KLF7: variants seen among roughly 807,000 people sequenced by gnomAD.
KLF7 encodes Krueppel-like factor 7.
In KLF7, 2 loss-of-function variants were observed where a neutral mutation model predicts 27.3. The ratio of observed to expected loss-of-function variants is 0.07; its 90% CI spans 0.03 to 0.23. The LOEUF (loss-of-function observed/expected upper bound fraction) is 0.23, where lower values mean the gene tolerates loss of function less well. Ranked by LOEUF, KLF7 falls within the 10% of genes least tolerant of loss-of-function variation. KLF7 has a pLI of 1.00. For missense variants in KLF7, 221 were observed against 394.1 expected (o/e 0.56, Z 3.72); for synonymous variants, 165 against 162.4 (o/e 1.02, Z -0.12).
chr2:207,135,689 T>C (rs1285425670), intron 1 of KLF7, among the ~76,000 whole-genome samples: 1 of 152,228 alleles, frequency 6.6e-6, no homozygotes, highest in Admixed American at 6.5e-5. Flanking sequence ...CCAGAAATTC[T>C]TCCTTCTTCA....
upstream of KLF7, chr2:207,166,821 A>T: frequency 9.9e-7 from 1 of 1,014,708 alleles, no homozygotes; most frequent in Non-Finnish European, 1.2e-6. Context: ...GCCAGGGTGC[A>T]GAGAAGAAGC....
chr2:207,112,610 C>T (rs953282985), intron 2 of KLF7, among the ~76,000 whole-genome samples: 14 of 152,182 alleles, frequency 9.2e-5, no homozygotes, highest in African/African-American at 3.1e-4. Flanking sequence ...AGCTCCTTCC[C>T]AGGGGAATAA....
chr2:207,136,121 C>G (rs1356652019), intron 1 of KLF7, among the ~76,000 whole-genome samples: 4 of 152,152 alleles, frequency 2.6e-5, no homozygotes, highest in African/African-American at 9.7e-5. Flanking sequence ...CTTTCCCACA[C>G]CACCCCTTCC....
intron 2 of KLF7, among the ~76,000 whole-genome samples, chr2:207,105,050 A>T (rs545155460): frequency 2.1e-4 from 32 of 152,062 alleles, no homozygotes; most frequent in Admixed American, 1.4e-3. Context: ...GGGTAGAAAA[A>T]TTTTTTTTCA....
chr2:207,129,120 G>A (rs1406124752), intron 1 of KLF7, among the ~76,000 whole-genome samples: 1 of 152,184 alleles, frequency 6.6e-6, no homozygotes, highest in Non-Finnish European at 1.5e-5. Context: ...TCAAAAAACA[G>A]GGAGAGACGA....
At chr2:207,154,678 A>T (rs1295474171) in intron 1 of KLF7, among the ~76,000 whole-genome samples, 1 of 152,176 alleles carries the variant, frequency 6.6e-6, no homozygotes, top group African/African-American at 2.4e-5. Context: ...TTGAGAGGAA[A>T]ATGGGGAAGG....
intron 2 of KLF7, among the ~76,000 whole-genome samples, chr2:207,098,695 C>A (rs2076687332): frequency 6.6e-6 from 1 of 151,200 alleles, no homozygotes; most frequent in Admixed American, 6.6e-5. Context: ...GGTGCAATCA[C>A]AACTCACTGC....
chr2:207,086,622 C>T (rs34546946), intron 3 of KLF7, among the ~76,000 whole-genome samples: 11,255 of 152,272 alleles, frequency 0.074, 521 homozygotes, highest in Middle Eastern at 0.13. Flanking sequence ...AATAACCAAT[C>T]GGTTTGGAAC....
chr2:207,141,182 A>G (rs2077932331), intron 1 of KLF7, among the ~76,000 whole-genome samples: 1 of 152,132 alleles, frequency 6.6e-6, no homozygotes, highest in African/African-American at 2.4e-5. Flanking sequence ...TTGCTTAGGG[A>G]ACCAGGGTAT....
rs1468964222 is a variant in KLF7 at position 207,076,120 on chromosome 2, AAGGTACGAC to A, written c.*5084_*5092del. On this transcript the variant is annotated 3_prime_UTR_variant, in exon 4 of 4. Coordinates refer to ENST00000309446, the MANE Select transcript of KLF7 (RefSeq NM_003709.4). ...GTCAGTAGCCTGTTTTCCTTCCGTG[AAGGTACGAC>A]AGGTACATATGCGCATGTCTAGGTG... is the stretch of plus-strand genomic sequence containing the variant. 6 of 152,044 alleles carry A rather than the reference AAGGTACGAC, an allele frequency of 3.9e-5. No individual in the cohort carries two copies. The highest frequency in any genetic ancestry group is 7.4e-5 in the Non-Finnish European group (5 of 68,018). The allele number at this position is 152,044 out of a possible 1,614,324, so 9.4% of individuals were successfully genotyped here.
chr2:207,107,566 A>G (rs900513221), intron 2 of KLF7, among the ~76,000 whole-genome samples: 52 of 152,336 alleles, frequency 3.4e-4, no homozygotes, highest in Admixed American at 2.9e-3. Flanking sequence ...TTTATATTTT[A>G]TAACTGCTGT....
Position 207,141,689 on chromosome 2 carries a change from T to TA in KLF7, c.103-17286dup, listed in dbSNP as rs1237800284. Among the ~76,000 whole-genome samples the TA allele has an allele frequency of 7.9e-5, 12 of 152,100 alleles. 1 individual carries two copies. The highest frequency in any genetic ancestry group is 1.6e-4 in the Non-Finnish European group (11 of 67,974). ...ATGTTGGCAATGAGTATTAAAAAGT[T>TA]AGAGTGCGTGAGACAAGCAAAGGGC... On this transcript the variant is annotated intron_variant, in intron 1 of 3. Coordinates refer to ENST00000309446, the MANE Select transcript of KLF7 (RefSeq NM_003709.4).
At chr2:207,098,101 ATATT>A (rs71412408) in intron 2 of KLF7, among the ~76,000 whole-genome samples, 11,353 of 152,208 alleles carry the variant, frequency 0.075, 507 homozygotes, top group Middle Eastern at 0.13. Flanking sequence ...TGGGGAAACT[ATATT>A]TATTATTTTT....
At chr2:207,092,773 T>TA (rs1482528664) in intron 2 of KLF7, among the ~76,000 whole-genome samples, 3 of 152,260 alleles carry the variant, frequency 2.0e-5, no homozygotes, top group African/African-American at 7.2e-5. Flanking sequence ...GCATCTATGA[T>TA]ATATGTAGGC....
At chr2:207,083,947 G>C (rs2076330998) in intron 3 of KLF7, among the ~76,000 whole-genome samples, 1 of 152,130 alleles carries the variant, frequency 6.6e-6, no homozygotes, top group Non-Finnish European at 1.5e-5. Flanking sequence ...AGAGCCTCCA[G>C]AACAAAAATG....
rs191886301 is a variant in KLF7, at chr2:207,141,562, C to A, written c.103-17158G>T. 6.6e-5 allele frequency among the ~76,000 whole-genome samples: 10 copies of A among 152,234 alleles called. No individual in the cohort carries two copies. In the East Asian group the frequency reaches 1.7e-3, roughly 26 times the overall value. On this transcript the variant is annotated intron_variant, in intron 1 of 3. Coordinates refer to ENST00000309446, the MANE Select transcript of KLF7 (RefSeq NM_003709.4). ...AGGGGAAGTTGGTACATAGCACCAG[C>A]TCATCGATATCATGTAGAAAACAGA...
chr2:207,086,522 T>G (rs1347610104), intron 3 of KLF7, among the ~76,000 whole-genome samples: 1 of 152,190 alleles, frequency 6.6e-6, no homozygotes, highest in East Asian at 1.9e-4. Context: ...CTCAGCAAAT[T>G]TCTAGCTCCA....
intron 2 of KLF7, among the ~76,000 whole-genome samples, chr2:207,100,993 G>A (rs2076752709): frequency 6.6e-6 from 1 of 152,176 alleles, no homozygotes; most frequent in Non-Finnish European, 1.5e-5. Flanking sequence ...TACAATGTTT[G>A]CTAACTGAGA....
Position 207,081,061 on chromosome 2 carries a change from ATGTGTGTGTGTG to A in KLF7, c.*140_*151del. The A allele has an allele frequency of 3.0e-6, 2 of 670,630 alleles. No homozygotes were observed. The highest frequency in any genetic ancestry group is 1.8e-5 in the African/African-American group (1 of 55,538). 41.5% of individuals were successfully genotyped at this position (670,630 alleles called of 1,614,324 possible). ...TGTGTGGGTCTGTGAGTGTGTGTAT[ATGTGTGTGTGTG>A]TGTGTGTGTGTACAGAGGTTTATAA... On this transcript the variant is annotated 3_prime_UTR_variant, in exon 4 of 4. Transcript: ENST00000309446.
Sources: allele counts gnomAD v4.1 joint callset (sites outside exome capture counted in the v4.1 genomes callset), GRCh38; gene constraint gnomAD v4.1.1; transcripts MANE v1.5; gene names NCBI Gene and HGNC (gene_info 2026-07-23, HGNC 2026-07-21).